SYNDIG1: variants seen among roughly 807,000 people sequenced by gnomAD.
The protein encoded by SYNDIG1 is synapse differentiation-inducing gene protein 1.
In SYNDIG1, 9 loss-of-function variants were observed where a neutral mutation model predicts 19.4. The observed-to-expected ratio is 0.46, with a 90% CI of 0.28 to 0.81. The LOEUF (loss-of-function observed/expected upper bound fraction) is 0.81. SYNDIG1 is among the 30% of genes least tolerant of loss of function. The pLI, the probability that SYNDIG1 is intolerant of heterozygous loss-of-function variation, is 0.12. For missense variants in SYNDIG1, 311 were observed against 343.3 expected (o/e 0.91, Z 0.74); for synonymous variants, 141 against 145.9 (o/e 0.97, Z 0.24).
chr20:24,560,909 T>C (rs1381664786), intron 2 of SYNDIG1, among the ~76,000 whole-genome samples: 1 of 152,032 alleles, frequency 6.6e-6, no homozygotes, highest in African/African-American at 2.4e-5. Flanking sequence ...GGTGTCTTGT[T>C]TTAGTTTCTT....
chr20:24,502,711 T>A (rs2056485237), intron 1 of SYNDIG1, among the ~76,000 whole-genome samples: 1 of 152,252 alleles, frequency 6.6e-6, no homozygotes, highest in Admixed American at 6.5e-5. Flanking sequence ...AATTTGCTTT[T>A]CTGGATCAAA....
At position 24,543,518 on chromosome 20, in the gene SYNDIG1, A is replaced by G. The variant is rs2057512160; in HGVS notation, c.421A>G (p.Ile141Val). The change falls in exon 2 of 4, where the codon ATA (isoleucine) becomes GTA (valine). Residue 141 changes from isoleucine to valine, a missense_variant. By Grantham distance (29) the Ile-to-Val change is conservative. Transcript: ENST00000376862. ...GTTCATTGACCTCTCAGCTGATGAC[A>G]TAAAAATCCACACCCTGTCCTACGA... ...GKFIDLSADD[I>V]KIHTLSYDVE... 1.9e-6 allele frequency: 3 copies of G among 1,609,406 alleles called. No individual in the cohort carries two copies. The African/African-American group carries it at 4.0e-5, about 21-fold the overall frequency.
At chr20:24,500,514 CTTTCTTTCTTTCTTTCTTCT>C (rs1166519777) in intron 1 of SYNDIG1, among the ~76,000 whole-genome samples, 52 of 112,984 alleles carry the variant, frequency 4.6e-4, no homozygotes, top group African/African-American at 1.7e-3. Context: ...TTCTTTCTTT[CTTTCTTTCTTTCTTTCTTCT>C]TTCTTTCTTT....
rs925633944 is a variant in SYNDIG1, at chr20:24,551,747, GTTAT to G, written c.480+8176_480+8179del. ...TTGTGATTTTTTATTTTTCTAATGAGTTATTTATTAATGTGTTGTTTAATTTCCA... is the reference window on the plus strand; with the variant it reads ...TTGTGATTTTTTATTTTTCTAATGAGTTATTAATGTGTTGTTTAATTTCCA... On this transcript the variant is annotated intron_variant, in intron 2 of 3. Transcript: ENST00000376862. Among the ~76,000 whole-genome samples, 17 of 152,062 alleles carry G rather than the reference GTTAT, an allele frequency of 1.1e-4. No homozygotes were observed. The Middle Eastern group carries it at 0.014, about 123-fold the overall frequency.
chr20:24,530,097 C>T (rs1014497927), intron 1 of SYNDIG1, among the ~76,000 whole-genome samples: 2 of 8,510 alleles, frequency 2.4e-4, no homozygotes, highest in Non-Finnish European at 5.7e-4. Context: ...GGGGAAGAAG[C>T]TTCCTCCCTC....
At chr20:24,470,192 G>A (rs1047604439) in intron 1 of SYNDIG1, among the ~76,000 whole-genome samples, 1 of 152,226 alleles carries the variant, frequency 6.6e-6, no homozygotes, top group Admixed American at 6.5e-5. Context: ...TGCGGGTTCG[G>A]GCTGCCCCTC....
chr20:24,476,691 CA>C (rs71312681), intron 1 of SYNDIG1, among the ~76,000 whole-genome samples: 7 of 151,054 alleles, frequency 4.6e-5, no homozygotes, highest in Non-Finnish European at 8.9e-5. Context: ...AACAAACAAA[CA>C]AAAAAAACAA....
At position 24,557,800 on chromosome 20, in the gene SYNDIG1, C is replaced by G. The variant is rs149629401; in HGVS notation, c.480+14223C>G. On this transcript the variant is annotated intron_variant, in intron 2 of 3. Transcript: ENST00000376862. ...AGTCAGTCTGCCCGTTCTCAGATCT[C>G]CAGCCGCATGCTGGGAGAACCACTG... Among the ~76,000 whole-genome samples the G allele has an allele frequency of 3.6e-3, 543 of 152,314 alleles. 3 individuals are homozygous for G. The highest frequency in any genetic ancestry group is 0.012 in the African/African-American group (502 of 41,558).
intron 3 of SYNDIG1, among the ~76,000 whole-genome samples, chr20:24,607,764 T>C (rs144954983): frequency 0.025 from 3,751 of 152,336 alleles, 64 homozygotes; most frequent in African/African-American, 0.036. Context: ...TCTTCCGTTT[T>C]TGTAGACTTT....
chr20:24,499,343 T>G (rs1025173607), intron 1 of SYNDIG1, among the ~76,000 whole-genome samples: 1 of 152,198 alleles, frequency 6.6e-6, no homozygotes, highest in Non-Finnish European at 1.5e-5. Context: ...GATGGGAATC[T>G]TTCCTGATCC....
At chr20:24,611,849 C>T (rs1375505091) in intron 3 of SYNDIG1, among the ~76,000 whole-genome samples, 2 of 152,210 alleles carry the variant, frequency 1.3e-5, no homozygotes, top group African/African-American at 4.8e-5. Context: ...CTTGTTGTTA[C>T]TGTCAGATGT....
intron 2 of SYNDIG1, among the ~76,000 whole-genome samples, chr20:24,551,658 T>C (rs2057708799): frequency 6.6e-6 from 1 of 152,168 alleles, no homozygotes. Flanking sequence ...GTTTTAACTG[T>C]GTCCTGTAAA....
At chr20:24,520,024 T>A (rs1349661774) in intron 1 of SYNDIG1, among the ~76,000 whole-genome samples, 1 of 152,200 alleles carries the variant, frequency 6.6e-6, no homozygotes, top group African/African-American at 2.4e-5. Flanking sequence ...AATTCTAGGA[T>A]GTACATTCCT....
chr20:24,481,136 TA>T (rs920817638), intron 1 of SYNDIG1, among the ~76,000 whole-genome samples: 42 of 151,570 alleles, frequency 2.8e-4, no homozygotes, highest in African/African-American at 7.0e-4. Context: ...TTTGCCACAA[TA>T]AAAAAAAACT....
At chr20:24,606,757 C>T (rs1186660378) in intron 3 of SYNDIG1, among the ~76,000 whole-genome samples, 1 of 152,160 alleles carries the variant, frequency 6.6e-6, no homozygotes, top group East Asian at 1.9e-4. Context: ...CATACAGGAT[C>T]AGTGGGGGCC....
intron 2 of SYNDIG1, among the ~76,000 whole-genome samples, chr20:24,562,729 C>T (rs2057970544): frequency 6.6e-6 from 1 of 152,166 alleles, no homozygotes; most frequent in African/African-American, 2.4e-5. Context: ...TTGTGCTTTT[C>T]AGATCTCTTG....
chr20:24,611,776 A>G (rs913590730), intron 3 of SYNDIG1, among the ~76,000 whole-genome samples: 22 of 152,150 alleles, frequency 1.4e-4, no homozygotes, highest in African/African-American at 5.1e-4. Flanking sequence ...GTTTTAGCCC[A>G]TGGTGCTGAT....
intron 3 of SYNDIG1, among the ~76,000 whole-genome samples, chr20:24,608,752 G>A (rs2182432): frequency 0.024 from 3,700 of 152,310 alleles, 140 homozygotes; most frequent in African/African-American, 0.084. Flanking sequence ...CCCGATGGCC[G>A]TCAGTAAGGA....
At chr20:24,564,357 C>A (rs535043032) in intron 2 of SYNDIG1, among the ~76,000 whole-genome samples, 60 of 152,290 alleles carry the variant, frequency 3.9e-4, no homozygotes, top group African/African-American at 1.4e-3. Flanking sequence ...GCTTTTATTT[C>A]AACCAATATC....
Sources: gnomAD v4.1 joint callset for allele counts (sites outside exome capture counted in the v4.1 genomes callset) on GRCh38, gnomAD v4.1.1 for gene constraint, MANE v1.5 for transcripts, NCBI Gene and HGNC (gene_info 2026-07-23, HGNC 2026-07-21) for gene names.